The following PHKA1 variants were observed in gnomAD, a reference collection of about 807,000 sequenced individuals.
PHKA1 encodes the protein phosphorylase kinase regulatory subunit alpha 1.
Under a neutral mutation model 110.2 loss-of-function variants are expected in PHKA1, and 60 were observed. The observed-to-expected ratio is 0.54, with a 90% confidence interval of 0.44 to 0.68. PHKA1 has a LOEUF of 0.68. Ranked by LOEUF, PHKA1 falls within the 30% of genes least tolerant of loss-of-function variation. The pLI is 0.00. For synonymous variants in PHKA1, 316 were observed against 333.6 expected (o/e 0.95, Z 0.58); for missense variants, 801 against 942.5 (o/e 0.85, Z 1.97).
At chrX:72,609,397 T>C (rs910751181) in intron 23 of PHKA1, among the ~76,000 whole-genome samples, 2 of 112,166 alleles carry the variant, frequency 1.8e-5, no homozygotes, top group South Asian at 3.7e-4. Flanking sequence ...GTTTTTTGAA[T>C]GGCAGGTATG....
chrX:72,580,867 C>T lies in PHKA1; in HGVS notation c.*135G>A. 1.7e-6 allele frequency: 1 copy of T among 598,113 alleles called. No homozygotes were observed. The highest frequency in any genetic ancestry group is 2.7e-5 in the Admixed American group (1 of 36,803). 49.3% of individuals were successfully genotyped at this position (598,113 alleles called of 1,213,427 possible). A position where few individuals can be genotyped will look rare whatever the true frequency, so the allele number is the denominator to read the frequency against. On this transcript the variant is annotated 3_prime_UTR_variant, in exon 32 of 32. Transcript: ENST00000373542. The stretch of plus-strand genomic sequence containing the variant: ...CAGTAGTTAGTTTATCGAAAAAGTT[C>T]TCTCTTCTTGGGAAGGATGGGACAG...
intron 8 of PHKA1, among the ~76,000 whole-genome samples, chrX:72,665,586 A>G (rs1330375553): frequency 2.7e-5 from 3 of 111,738 alleles, no homozygotes; most frequent in African/African-American, 9.8e-5. Flanking sequence ...CAAAAAACCC[A>G]TGGGCCAATA....
intron 6 of PHKA1, among the ~76,000 whole-genome samples, chrX:72,671,951 G>T (rs1010129817): frequency 8.9e-6 from 1 of 112,021 alleles, no homozygotes; most frequent in African/African-American, 3.3e-5. Flanking sequence ...ATGGATTAAA[G>T]ACTTAAATGT....
intron 8 of PHKA1, among the ~76,000 whole-genome samples, chrX:72,665,536 C>T (rs1271966851): frequency 9.0e-6 from 1 of 111,420 alleles, no homozygotes; most frequent in Non-Finnish European, 1.9e-5. Flanking sequence ...ACAAGGCCAG[C>T]AGTACCCTGA....
chrX:72,630,999 G>GTTTTTTTTTTTTTTT (rs146161152), intron 16 of PHKA1, among the ~76,000 whole-genome samples: 119 of 44,621 alleles, frequency 2.7e-3, no homozygotes, highest in Non-Finnish European at 3.1e-3. Context: ...ATTTTTTCAG[G>GTTTTTTTTTTTTTTT]TTTTTTTTTT....
At chrX:72,632,741 T>C (rs1477976804) in intron 16 of PHKA1, among the ~76,000 whole-genome samples, 1 of 111,970 alleles carries the variant, frequency 8.9e-6, no homozygotes, top group Non-Finnish European at 1.9e-5. Context: ...CTGTTGTTGG[T>C]AATGTTGCAG....
At chrX:72,652,067 A>G (rs1263890050) in intron 12 of PHKA1, among the ~76,000 whole-genome samples, 2 of 111,807 alleles carry the variant, frequency 1.8e-5, no homozygotes, top group Non-Finnish European at 3.8e-5. Flanking sequence ...TTAACAAAAT[A>G]CAAACAAACA....
chrX:72,602,389 C>G (rs2052669867), intron 26 of PHKA1, 116 bp from the exon 27 acceptor site: 2 of 514,139 alleles, frequency 3.9e-6, no homozygotes, highest in Non-Finnish European at 6.9e-6. Context: ...AATTTAAAAA[C>G]TATAACCTTG....
intron 4 of PHKA1, among the ~76,000 whole-genome samples, chrX:72,694,182 C>G (rs1427045819): frequency 1.8e-5 from 2 of 111,726 alleles, no homozygotes; most frequent in African/African-American, 6.5e-5. Context: ...TTGCATACTA[C>G]CACTTAAATC....
chrX:72,611,129 G>A lies in PHKA1; in HGVS notation c.2425C>T (p.Leu809Phe), dbSNP rs782470996. 3 of 1,203,692 alleles carry A rather than the reference G, an allele frequency of 2.5e-6. No homozygotes were observed. The highest frequency in any genetic ancestry group is 5.9e-5 in the East Asian group (2 of 33,802). The change falls in exon 22 of 32, where the codon CTT becomes TTT. Residue 809 changes from leucine (L) to phenylalanine (F), a missense_variant. Physicochemically the swap from Leu to Phe is conservative, Grantham distance 22. Around this residue, in one of 2 missense-constraint regions of PHKA1, gnomAD observed 502 missense variants for 519.2 expected, o/e 0.97. Transcript: ENST00000373542. ...YNERSATVRELLTELYGKVGE... is the reference protein window; with the variant it reads ...YNERSATVREFLTELYGKVGE... Reference sequence around the variant, plus strand: ...ACTTTGCCATACAGCTCGGTAAGAAGCTCTCTCACTGTAGCACTCCGTTCA... The same window carrying A: ...ACTTTGCCATACAGCTCGGTAAGAAACTCTCTCACTGTAGCACTCCGTTCA...
intron 16 of PHKA1, among the ~76,000 whole-genome samples, chrX:72,627,984 A>AT (rs1390373948): frequency 1.9e-5 from 2 of 107,449 alleles, no homozygotes; most frequent in African/African-American, 3.4e-5. Context: ...CGCCTGGCTA[A>AT]TTTTTTGTAT....
At chrX:72,708,209 C>T (rs1556333248) in intron 2 of PHKA1, among the ~76,000 whole-genome samples, 1 of 112,019 alleles carries the variant, frequency 8.9e-6, no homozygotes, top group Non-Finnish European at 1.9e-5. Context: ...CCAGCTTCAT[C>T]TCTGGGCCTC....
At chrX:72,602,473 A>AC (rs1327497632) in intron 26 of PHKA1, among the ~76,000 whole-genome samples, 200 bp from the exon 27 acceptor site, 2 of 111,825 alleles carry the variant, frequency 1.8e-5, no homozygotes, top group African/African-American at 6.5e-5. Flanking sequence ...CTCAGGTCCC[A>AC]CCCCAGATCT....
chrX:72,673,805 GA>G (rs1354792761), intron 6 of PHKA1, among the ~76,000 whole-genome samples: 4 of 109,247 alleles, frequency 3.7e-5, no homozygotes, highest in African/African-American at 1.0e-4. Context: ...TTTTTCATTT[GA>G]AATTTTTTTT....
chrX:72,601,325 C>T (rs1169126571), intron 28 of PHKA1, among the ~76,000 whole-genome samples: 1 of 111,825 alleles, frequency 8.9e-6, no homozygotes, highest in African/African-American at 3.3e-5. Context: ...AGAACCATTG[C>T]AATGAGGTCT....
intron 8 of PHKA1, among the ~76,000 whole-genome samples, chrX:72,664,473 A>G (rs2053596679): frequency 8.9e-6 from 1 of 111,769 alleles, no homozygotes; most frequent in African/African-American, 3.2e-5. Flanking sequence ...CTCCAGTACA[A>G]TAATAGTGGG....
Position 72,611,072 on chromosome X carries a change from A to G in PHKA1, c.2482T>C (p.Tyr828His). 1 of 1,208,148 alleles carries G rather than the reference A, an allele frequency of 8.3e-7. No individual in the cohort carries two copies. The highest frequency in any genetic ancestry group is 1.8e-5 in the South Asian group (1 of 56,842). The change falls in exon 22 of 32, where the codon TAC becomes CAC. Residue 828 changes from tyrosine (Y) to histidine (H), a missense_variant. Around this residue, in one of 2 missense-constraint regions of PHKA1, gnomAD observed 502 missense variants for 519.2 expected, o/e 0.97. Transcript: ENST00000373542. ...GEIRHWGLIRYISGILRKKVE... is the reference protein window; with the variant it reads ...GEIRHWGLIRHISGILRKKVE... ...TTCTTCCTTAAGATCCCAGAAATGT[A>G]TCGGATCAGGCCCCAGTGACGAATT...
intron 5 of PHKA1, among the ~76,000 whole-genome samples, chrX:72,681,379 A>G (rs868907850): frequency 8.7e-3 from 717 of 82,464 alleles, no homozygotes; most frequent in African/African-American, 0.035. Flanking sequence ...CAGCCACCCC[A>G]TCTGGGAGGG....
Position 72,593,252 on chromosome X carries a change from G to C in PHKA1, c.3095C>G (p.Pro1032Arg). 2 of 1,203,337 alleles carry C rather than the reference G, an allele frequency of 1.7e-6. No individual in the cohort carries two copies. The highest frequency in any genetic ancestry group is 3.0e-5 in the East Asian group (1 of 33,832). Residue 1032 changes from proline (P) to arginine (R), a missense_variant, in exon 29 of 32, where the codon CCA becomes CGA. Coordinates refer to ENST00000373542, the MANE Select transcript of PHKA1 (RefSeq NM_002637.4). ...ESQSPGTSMT[P>R]SSGSFPSAYD... is the part of the protein sequence containing the mutation. ...TGCACTAGGAAAGGACCCACTACTTGGAGTCATAGAGGTTCCAGGTGACTT... is the reference window on the plus strand; with the variant it reads ...TGCACTAGGAAAGGACCCACTACTTCGAGTCATAGAGGTTCCAGGTGACTT...
Sources: allele counts gnomAD v4.1 joint callset (sites outside exome capture counted in the v4.1 genomes callset), GRCh38; gene constraint gnomAD v4.1.1; regional missense constraint gnomAD v4.1.1; transcripts MANE v1.5; gene names NCBI Gene and HGNC (gene_info 2026-07-23, HGNC 2026-07-21).